Variants in SPEN observed in about 807,000 individuals in gnomAD.
SPEN encodes the protein msx2-interacting protein.
Under a neutral mutation model 269.9 loss-of-function variants are expected in SPEN, and 18 were observed. That is an observed-to-expected ratio of 0.07 (90% confidence interval 0.05 to 0.10). The LOEUF (loss-of-function observed/expected upper bound fraction) is 0.10, where lower values mean the gene tolerates loss of function less well. Ranked by LOEUF, SPEN falls within the 10% of genes least tolerant of loss-of-function variation. The pLI, the probability that SPEN is intolerant of heterozygous loss-of-function variation, is 1.00. For missense variants in SPEN, 3,822 were observed against 4,631.2 expected (o/e 0.83, Z 5.07); for synonymous variants, 1,726 against 1,765.7 (o/e 0.98, Z 0.56).
intron 1 of SPEN, among the ~76,000 whole-genome samples, chr1:15,850,184 C>G (rs557804776): frequency 6.6e-6 from 1 of 152,200 alleles, no homozygotes; most frequent in Admixed American, 6.5e-5. Flanking sequence ...TCAGAATGCA[C>G]AGAGGGAGGA....
In SPEN at chr1:15,928,388, C is replaced by G. The variant is rs1246693905; in HGVS notation, c.2148C>G (p.Asp716Glu). The G allele has an allele frequency of 6.2e-7, 1 of 1,613,984 alleles. No homozygotes were observed. ...GATTTGAGTCTGACCGGGACAGAGACCATGAGAGGAGGCCGATTGAACGAA... is the reference window on the plus strand; with the variant it reads ...GATTTGAGTCTGACCGGGACAGAGAGCATGAGAGGAGGCCGATTGAACGAA... ...RERFESDRDR[D>E]HERRPIERSQ... Residue 716 changes from aspartate (D) to glutamate (E), a missense_variant, in exon 11 of 15, where the codon GAC becomes GAG. Physicochemically the swap from Asp to Glu is conservative, Grantham distance 45. This residue lies in a region of SPEN where 572 missense variants were observed against 582.6 expected (regional missense o/e 0.98). Transcript: ENST00000375759. This position sits in a 1 kb window ranked among gnomAD's most constrained non-coding sequence, Gnocchi z 5.7.
intron 3 of SPEN, among the ~76,000 whole-genome samples, chr1:15,880,186 A>C (rs1049870897): frequency 5.3e-5 from 8 of 152,106 alleles, no homozygotes; most frequent in African/African-American, 1.9e-4. Context: ...GGGAAGAATC[A>C]CTGAGAGATT....
At chr1:15,926,453 T>C (rs776882586) in intron 10 of SPEN, among the ~76,000 whole-genome samples, 2 of 151,964 alleles carry the variant, frequency 1.3e-5, no homozygotes, top group Non-Finnish European at 2.9e-5. Flanking sequence ...TTTATAAATA[T>C]GTATATTTAT....
rs776034493 is a variant in SPEN, at chr1:15,930,465, A to G, written c.4225A>G (p.Arg1409Gly). The stretch of plus-strand genomic sequence containing the variant: ...AAGTTCTCGATTGTCTTTTTTATTG[A>G]GGGACAGAGAAGACAAGCTACGTGA... ...YESSRLSFLL[R>G]DREDKLRERD... The change falls in exon 11 of 15, where the codon AGG becomes GGG. Residue 1409 changes from arginine to glycine, a missense_variant. Arg to Gly is a moderately radical substitution (Grantham distance 125). This residue lies in a region of SPEN where 267 missense variants were observed against 315.5 expected (regional missense o/e 0.85). Coordinates refer to ENST00000375759, the MANE Select transcript of SPEN (RefSeq NM_015001.3). The surrounding 1 kb of genome is among the most constrained non-coding windows in gnomAD (Gnocchi z 5.3). The G allele has an allele frequency of 1.2e-6, 2 of 1,614,190 alleles. No individual in the cohort carries two copies. The highest frequency in any genetic ancestry group is 1.7e-6 in the Non-Finnish European group (2 of 1,180,040).
rs1038337888 is a variant in SPEN at position 15,876,572 on chromosome 1, G to C, written c.775G>C (p.Ala259Pro). The change falls in exon 3 of 15, where the codon GCT becomes CCT. Residue 259 changes from alanine (A) to proline (P), a missense_variant. Physicochemically the swap from Ala to Pro is conservative, Grantham distance 27. Around this residue, in one of 16 missense-constraint regions of SPEN, gnomAD observed 327 missense variants for 350.8 expected, o/e 0.93. Coordinates refer to ENST00000375759, the MANE Select transcript of SPEN (RefSeq NM_015001.3). The stretch of plus-strand genomic sequence containing the variant: ...TAGAAATCAGTCTCCTCAGAGACTG[G>C]CTAGCCAAGCATCTAGACCCACAAG... ...QSRNQSPQRL[A>P]SQASRPTRSP... 1.2e-6 allele frequency: 2 copies of C among 1,613,948 alleles called. No individual in the cohort carries two copies. Among genetic ancestry groups the C allele is most frequent in the Non-Finnish European group, 1.7e-6 (2 of 1,180,006 alleles).
In SPEN at chr1:15,939,503, G is replaced by A. The variant is rs550545066; in HGVS notation, c.*76G>A. The A allele has an allele frequency of 1.4e-6, 2 of 1,452,906 alleles. No individual in the cohort carries two copies. The highest frequency in any genetic ancestry group is 5.0e-5 in the Admixed American group (2 of 40,124). The allele number at this position is 1,452,906 out of a possible 1,614,324, so 90.0% of individuals were successfully genotyped here. On this transcript the variant is annotated 3_prime_UTR_variant, in exon 15 of 15. Transcript: ENST00000375759. The surrounding 1 kb of genome is among the most constrained non-coding windows in gnomAD (Gnocchi z 4.1). ...AAACAAAGGACAACCCAGCCAAGCAGAGGAAGAAGCTGCCGAAGGGGACAG... is the reference window on the plus strand; with the variant it reads ...AAACAAAGGACAACCCAGCCAAGCAAAGGAAGAAGCTGCCGAAGGGGACAG...
chr1:15,939,301 C>A lies in SPEN; in HGVS notation c.10869C>A (p.Ala3623=). ...GCTCTCTATCCTGTCTCCAGCCTGC[C>A]TACGTGCTGCAGATCTTCCCGCCCT... ...NVPNPGSNQP[A]YVLQIFPPCE... is the part of the protein sequence containing the mutation. The change falls in exon 15 of 15, where the codon GCC becomes GCA. Residue 3623 remains alanine, a synonymous_variant. Transcript: ENST00000375759. The surrounding 1 kb of genome is among the most constrained non-coding windows in gnomAD (Gnocchi z 4.1). 4 of 1,588,144 alleles carry A rather than the reference C, an allele frequency of 2.5e-6. No individual in the cohort carries two copies. Among genetic ancestry groups the A allele is most frequent in the Non-Finnish European group, 3.4e-6 (4 of 1,166,600 alleles).
chr1:15,930,805 G>C lies in SPEN; in HGVS notation c.4565G>C (p.Arg1522Thr). The C allele has an allele frequency of 2.5e-6, 4 of 1,614,158 alleles. No individual in the cohort carries two copies. The highest frequency in any genetic ancestry group is 3.4e-6 in the Non-Finnish European group (4 of 1,180,044). The change falls in exon 11 of 15, where the codon AGG (arginine) becomes ACG (threonine). Residue 1522 changes from arginine (R) to threonine (T), a missense_variant. Transcript: ENST00000375759. The surrounding 1 kb of genome is among the most constrained non-coding windows in gnomAD (Gnocchi z 5.3). ...KEDHKEEEQE[R>T]QELFASRFLH... ...GACCATAAAGAAGAAGAGCAAGAGA[G>C]GCAGGAATTGTTTGCTTCTCGTTTT...
chr1:15,928,242 T>G lies in SPEN; in HGVS notation c.2002T>G (p.Tyr668Asp), dbSNP rs1182621652. 1 of 1,614,136 alleles carries G rather than the reference T, an allele frequency of 6.2e-7. No homozygotes were observed. Among genetic ancestry groups the G allele is most frequent in the Admixed American group, 1.7e-5 (1 of 60,024 alleles). Residue 668 changes from tyrosine to aspartate, a missense_variant, in exon 11 of 15, where the codon TAC (tyrosine) becomes GAC (aspartate). Around this residue, in one of 16 missense-constraint regions of SPEN, gnomAD observed 572 missense variants for 582.6 expected, o/e 0.98. Coordinates refer to ENST00000375759, the MANE Select transcript of SPEN (RefSeq NM_015001.3). The surrounding 1 kb of genome is among the most constrained non-coding windows in gnomAD (Gnocchi z 5.7). Reference protein sequence around the residue: ...YSEWETYQGDYYESRYYDDPR... With the variant: ...YSEWETYQGDDYESRYYDDPR... The stretch of plus-strand genomic sequence containing the variant: ...AGAATGGGAAACTTACCAAGGAGAC[T>G]ACTATGAATCACGATACTACGATGA...
At chr1:15,926,060 C>G (rs536031211) in intron 10 of SPEN, among the ~76,000 whole-genome samples, 1 of 152,224 alleles carries the variant, frequency 6.6e-6, no homozygotes, top group South Asian at 2.1e-4. Flanking sequence ...ATCATAGATA[C>G]ACAATAAAAT....
intron 3 of SPEN, among the ~76,000 whole-genome samples, chr1:15,899,706 C>T (rs556566938): frequency 7.2e-5 from 11 of 151,944 alleles, no homozygotes; most frequent in South Asian, 6.2e-4. Context: ...TTAGATGTTG[C>T]GCATTTTTTC....
chr1:15,923,248 T>C (rs2071135844), intron 10 of SPEN, among the ~76,000 whole-genome samples: 1 of 152,220 alleles, frequency 6.6e-6, no homozygotes, highest in Non-Finnish European at 1.5e-5. Context: ...GTCATGGTTA[T>C]GTAGTATTTA....
intron 3 of SPEN, among the ~76,000 whole-genome samples, chr1:15,893,472 G>T (rs1219046414): frequency 6.6e-6 from 1 of 152,106 alleles, no homozygotes; most frequent in South Asian, 2.1e-4. Context: ...TTAGCCTGAG[G>T]TTTCTTACTG....
chr1:15,898,386 C>G (rs1237525794), intron 3 of SPEN, among the ~76,000 whole-genome samples: 1 of 152,032 alleles, frequency 6.6e-6, no homozygotes, highest in African/African-American at 2.4e-5. Flanking sequence ...CCCCCAGCCC[C>G]TGGCAACCAC....
At chr1:15,894,919 C>CTTTTTA (rs1025355864) in intron 3 of SPEN, among the ~76,000 whole-genome samples, 1 of 151,592 alleles carries the variant, frequency 6.6e-6, no homozygotes, top group African/African-American at 2.4e-5. Flanking sequence ...TAATATTTAC[C>CTTTTTA]TTTTTATTTT....
chr1:15,933,036 G>C lies in SPEN; in HGVS notation c.6796G>C (p.Asp2266His), dbSNP rs138783204. The C allele has an allele frequency of 9.9e-6, 16 of 1,614,010 alleles. No individual in the cohort carries two copies. Among genetic ancestry groups the C allele is most frequent in the Non-Finnish European group, 1.4e-5 (16 of 1,179,970 alleles). Residue 2266 changes from aspartate to histidine, a missense_variant, in exon 11 of 15, where the codon GAT (aspartate) becomes CAT (histidine). Asp to His is a moderately conservative substitution (Grantham distance 81, BLOSUM62 -1). Around this residue, in one of 16 missense-constraint regions of SPEN, gnomAD observed 727 missense variants for 737.9 expected, o/e 0.99. Coordinates refer to ENST00000375759, the MANE Select transcript of SPEN (RefSeq NM_015001.3). This position sits in a 1 kb window ranked among gnomAD's most constrained non-coding sequence, Gnocchi z 5.7. The stretch of plus-strand genomic sequence containing the variant: ...GCCTTCTGAGGAAGGAATGGAGACA[G>C]ATGAGGCTGTATCTGGCATCCTGGA... ...LQPSEEGMET[D>H]EAVSGILETE...
rs763323382 is a variant in SPEN at position 15,937,659 on chromosome 1, G to C, written c.10509+14G>C. On this transcript the variant is annotated intron_variant, in intron 12 of 14. Coordinates refer to ENST00000375759, the MANE Select transcript of SPEN (RefSeq NM_015001.3). The surrounding 1 kb of genome is among the most constrained non-coding windows in gnomAD (Gnocchi z 5.7). The stretch of plus-strand genomic sequence containing the variant: ...CAACTTCTGAAGGTAAGCATGAGCA[G>C]GGGCTGCCCTTCCTGGCCCCCAAGT... 6.2e-6 allele frequency: 10 copies of C among 1,609,022 alleles called. No individual in the cohort carries two copies. In the South Asian group the frequency reaches 9.9e-5, roughly 16 times the overall value.
chr1:15,935,964 G>GCGCC lies in SPEN; in HGVS notation c.9725_9726insGCCC (p.Thr3244ProfsTer24). 2 of 1,568,132 alleles carry GCGCC rather than the reference G, an allele frequency of 1.3e-6. No homozygotes were observed. Among genetic ancestry groups the GCGCC allele is most frequent in the Non-Finnish European group, 8.6e-7 (1 of 1,158,958 alleles). ...TGCCAAGACACCAGATGCCAAAGCT[G>GCGCC]CCCCCACCCCCACCCCTGCCCCCGT... On this transcript the variant is annotated frameshift_variant, in exon 11 of 15. Coordinates refer to ENST00000375759, the MANE Select transcript of SPEN (RefSeq NM_015001.3). LOFTEE classifies it high-confidence loss of function. The surrounding 1 kb of genome is among the most constrained non-coding windows in gnomAD (Gnocchi z 7.7).
rs533233390 is a variant in SPEN at position 15,847,917 on chromosome 1, G to C, written c.-151G>C. On this transcript the variant is annotated 5_prime_UTR_variant, in exon 1 of 15. Coordinates refer to ENST00000375759, the MANE Select transcript of SPEN (RefSeq NM_015001.3). ...TGGGGGAGAGGGATGGTCTCTGCAC[G>C]GGGGGGAGCCGGAGGAGCCGCCGCC... The C allele has an allele frequency of 3.1e-5, 10 of 327,398 alleles. No individual in the cohort carries two copies. The highest frequency in any genetic ancestry group is 5.2e-5 in the East Asian group (1 of 19,294). 20.3% of individuals were successfully genotyped at this position (327,398 alleles called of 1,614,324 possible).
Sources: gnomAD v4.1 joint callset for allele counts (sites outside exome capture counted in the v4.1 genomes callset) on GRCh38, gnomAD v4.1.1 for gene constraint, gnomAD v4.1.1 regional missense constraint, Gnocchi (gnomAD v3.1) non-coding constraint, MANE v1.5 for transcripts, NCBI Gene and HGNC (gene_info 2026-07-23, HGNC 2026-07-21) for gene names.